Variants in AIFM1 observed in about 807,000 individuals in gnomAD.
AIFM1 encodes the protein apoptosis inducing factor mitochondria associated 1.
A neutral mutation model predicts 51.7 loss-of-function variants in AIFM1; 3 were observed. The ratio of observed to expected loss-of-function variants is 0.06; its 90% confidence interval spans 0.03 to 0.15. AIFM1 has a LOEUF of 0.15. Ranked by LOEUF, AIFM1 falls within the 10% of genes least tolerant of loss-of-function variation. AIFM1 has a pLI of 1.00. For synonymous variants in AIFM1, 178 were observed against 179.4 expected (o/e 0.99, Z 0.06); for missense variants, 330 against 476.8 (o/e 0.69, Z 2.87).
intron 5 of AIFM1, among the ~76,000 whole-genome samples, chrX:130,146,449 A>ATGTGTGTG (rs1491571585): frequency 2.3e-4 from 15 of 65,140 alleles, no homozygotes; most frequent in Admixed American, 1.4e-3. Context: ...GTCTCTCAAA[A>ATGTGTGTG]TATGTGTGTG....
At chrX:130,163,439 G>C (rs978068547) in intron 1 of AIFM1, among the ~76,000 whole-genome samples, 2 of 111,756 alleles carry the variant, frequency 1.8e-5, no homozygotes, top group Non-Finnish European at 3.8e-5. Flanking sequence ...ATTAAAAGCA[G>C]TTAGGAATCA....
intron 14 of AIFM1, among the ~76,000 whole-genome samples, chrX:130,130,722 T>A (rs371587576): frequency 2.6e-4 from 29 of 112,416 alleles, no homozygotes; most frequent in African/African-American, 9.4e-4. Flanking sequence ...TGGACAGTGC[T>A]ATTAGACAGG....
rs775202035 is a variant in AIFM1 at position 130,138,584 on chromosome X, A to G, written c.967+9T>C. The G allele has an allele frequency of 6.0e-6, 7 of 1,170,290 alleles. No individual in the cohort carries two copies. The African/African-American group carries it at 8.9e-5, about 15-fold the overall frequency. On this transcript the variant is annotated intron_variant, in intron 9 of 15. Transcript: ENST00000287295. ...AGAAAGAAAATCAAGGTCACTCCTC[A>G]ATACTCACCCTTTCTGCCAAGAGCA...
chrX:130,154,452 A>G (rs1235867478), intron 2 of AIFM1, among the ~76,000 whole-genome samples: 1 of 112,545 alleles, frequency 8.9e-6, no homozygotes, highest in African/African-American at 3.2e-5. Context: ...GAGAGATATG[A>G]AATGCAAAAA....
rs1489239725 is a variant in AIFM1 at position 130,147,847 on chromosome X, T to C, written c.379A>G (p.Lys127Glu). 6.6e-6 allele frequency: 8 copies of C among 1,211,835 alleles called. No individual in the cohort carries two copies. In the East Asian group the frequency reaches 1.8e-4, roughly 27 times the overall value. ...ASEGEEVPQD[K>E]APSHVPFLLI... The stretch of plus-strand genomic sequence containing the variant: ...AGGAAAGGAACATGACTTGGCGCCT[T>C]GTCTTGAGGAACTTCCTCTCCTTCT... Residue 127 changes from lysine to glutamate, a missense_variant, in exon 4 of 16, where the codon AAG (lysine) becomes GAG (glutamate). By Grantham distance (56) the Lys-to-Glu change is moderately conservative. Transcript: ENST00000287295.
chrX:130,131,277 G>C (rs2030066250), intron 14 of AIFM1, among the ~76,000 whole-genome samples: 1 of 111,994 alleles, frequency 8.9e-6, no homozygotes, highest in Admixed American at 9.5e-5. Context: ...CTATCAGGCC[G>C]TGTTCTTGAG....
At chrX:130,146,451 ATGTGTGTGTG>A (rs60694841) in intron 5 of AIFM1, among the ~76,000 whole-genome samples, 32 of 89,437 alleles carry the variant, frequency 3.6e-4, no homozygotes, top group South Asian at 1.2e-3. Flanking sequence ...CTCTCAAAAT[ATGTGTGTGTG>A]TGTGTGTGTG....
At chrX:130,137,602 C>T in intron 9 of AIFM1, 1 of 1,137,332 alleles carries the variant, frequency 8.8e-7, no homozygotes, top group Non-Finnish European at 1.2e-6. Context: ...AGCTGGGAAC[C>T]ATCATGTGCC....
intron 10 of AIFM1, 32 bp downstream of exon 10, chrX:130,137,046 A>T (rs1411321264): frequency 1.7e-6 from 2 of 1,209,211 alleles, no homozygotes; most frequent in Non-Finnish European, 2.2e-6. Flanking sequence ...CAAAGGAAAT[A>T]GAGTGGCAGC....
chrX:130,140,461 C>T, intron 7 of AIFM1, 72 bp downstream of exon 7: 1 of 882,294 alleles, frequency 1.1e-6, no homozygotes, highest in African/African-American at 1.9e-5. Flanking sequence ...TAATGCCTTC[C>T]ATAGAGAAGG....
chrX:130,137,636 A>G (rs1053323840), intron 9 of AIFM1: 27 of 1,116,705 alleles, frequency 2.4e-5, no homozygotes, highest in East Asian at 3.3e-5. Context: ...GGCATTTTAC[A>G]GGAAGCAGCA....
intron 5 of AIFM1, among the ~76,000 whole-genome samples, chrX:130,146,800 G>A (rs1266883613): frequency 4.5e-5 from 5 of 111,475 alleles, no homozygotes; most frequent in Non-Finnish European, 9.4e-5. Flanking sequence ...TGCCTGCTAG[G>A]CTGTCAAAGA....
intron 2 of AIFM1, among the ~76,000 whole-genome samples, chrX:130,150,991 A>G (rs1271148798): frequency 1.9e-5 from 2 of 104,439 alleles, no homozygotes; most frequent in Non-Finnish European, 3.9e-5. Context: ...AAAAAAAAAA[A>G]AAAAGAAAAG....
chrX:130,150,878 G>C lies in AIFM1; in HGVS notation c.250-1310C>G, dbSNP rs894078254. Reference sequence around the variant, plus strand: ...TAGTCCCAGCTACTTGGGAGGTTGAGGCATGGGAATTGCTTGAACCCAGGA... The same window carrying C: ...TAGTCCCAGCTACTTGGGAGGTTGACGCATGGGAATTGCTTGAACCCAGGA... On this transcript the variant is annotated intron_variant, in intron 2 of 15. Coordinates refer to ENST00000287295, the MANE Select transcript of AIFM1 (RefSeq NM_004208.4). 3.0e-5 allele frequency among the ~76,000 whole-genome samples: 3 copies of C among 98,683 alleles called. No homozygotes were observed. The Admixed American group carries it at 3.4e-4, about 11-fold the overall frequency. 85.7% of individuals were successfully genotyped at this position (98,683 alleles called of 115,157 possible).
Position 130,138,647 on chromosome X carries a change from T to C in AIFM1, c.913A>G (p.Ile305Val). 8.3e-7 allele frequency: 1 copy of C among 1,210,639 alleles called. No individual in the cohort carries two copies. The highest frequency in any genetic ancestry group is 1.8e-5 in the South Asian group (1 of 56,935). Residue 305 changes from isoleucine (I) to valine (V), a missense_variant, in exon 9 of 16, where the codon ATT (isoleucine) becomes GTT (valine). By Grantham distance (29) the Ile-to-Val change is conservative. This residue lies in a region of AIFM1 where 152 missense variants were observed against 292.8 expected (regional missense o/e 0.52). Transcript: ENST00000287295. ...CTACCAAGGAAGCCCCCACCGATAA[T>C]CGTAATTGATTTGACTTCCCGTGAA... is the stretch of plus-strand genomic sequence containing the variant. ...KISREVKSIT[I>V]IGGGFLGSEL...
At chrX:130,147,086 C>T (rs992469851) in intron 5 of AIFM1, among the ~76,000 whole-genome samples, 1 of 111,503 alleles carries the variant, frequency 9.0e-6, no homozygotes, top group African/African-American at 3.3e-5. Flanking sequence ...TGCTTGAACC[C>T]GGGAGGTGGA....
rs755785211 is a variant in AIFM1, at chrX:130,150,326, C to CTTT, written c.250-761_250-759dup. Reference sequence around the variant, plus strand: ...ATACAGTACCAGAGTTTATTGGAGACTTTTTTTTTTTTTTTTTTTTTTTTT... The same window carrying CTTT: ...ATACAGTACCAGAGTTTATTGGAGACTTTTTTTTTTTTTTTTTTTTTTTTTTTT... On this transcript the variant is annotated intron_variant, in intron 2 of 15. Transcript: ENST00000287295. Among the ~76,000 whole-genome samples the CTTT allele has an allele frequency of 9.7e-4, 60 of 61,650 alleles. 2 individuals carry two copies. Among genetic ancestry groups the CTTT allele is most frequent in the African/African-American group, 3.3e-3 (51 of 15,287 alleles). The allele number at this position is 61,650 out of a possible 115,157, so 53.5% of individuals were successfully genotyped here.
chrX:130,142,921 G>A (rs1387328917), intron 6 of AIFM1, among the ~76,000 whole-genome samples: 1 of 111,758 alleles, frequency 8.9e-6, no homozygotes, highest in African/African-American at 3.3e-5. Context: ...TATCTGAACC[G>A]CCAAATCTCA....
chrX:130,133,225 CATA>C (rs2030176414), intron 13 of AIFM1, 85 bp downstream of exon 13: 1 of 1,141,601 alleles, frequency 8.8e-7, no homozygotes, highest in Non-Finnish European at 1.2e-6. Flanking sequence ...CTAACTGGCT[CATA>C]ATAAAACCAA....
Sources: gnomAD v4.1 joint callset for allele counts (sites outside exome capture counted in the v4.1 genomes callset) on GRCh38, gnomAD v4.1.1 for gene constraint, gnomAD v4.1.1 regional missense constraint, MANE v1.5 for transcripts, NCBI Gene and HGNC (gene_info 2026-07-23, HGNC 2026-07-21) for gene names.